The following PAPSS1 variants were observed in gnomAD, a reference collection of about 807,000 sequenced individuals.
PAPSS1 encodes the protein bifunctional 3'-phosphoadenosine 5'-phosphosulfate synthase 1.
In PAPSS1, 50 loss-of-function variants were observed where a neutral mutation model predicts 72.0. That is an observed-to-expected ratio of 0.69 (90% CI 0.55 to 0.88). The LOEUF is 0.88. Among genes scored for constraint, PAPSS1 ranks in the 40% least tolerant of loss-of-function variants. The pLI, the probability that PAPSS1 is intolerant of heterozygous loss-of-function variation, is 0.00. For synonymous variants in PAPSS1, 261 were observed against 263.6 expected, an observed-to-expected ratio of 0.99 and a Z score of 0.09; for missense variants, 657 against 782.2, an observed-to-expected ratio of 0.84 and a Z score of 1.91.
intron 11 of PAPSS1, among the ~76,000 whole-genome samples, chr4:107,626,122 G>C (rs1045062883): frequency 3.1e-4 from 47 of 149,574 alleles, no homozygotes; most frequent in Non-Finnish European, 5.6e-4. Flanking sequence ...AGCTTGCAGT[G>C]AGCCGAGATA....
In PAPSS1 at chr4:107,679,606, T is replaced by C. The variant is rs1727747153; in HGVS notation, c.669+2409A>G. Among the ~76,000 whole-genome samples the C allele has an allele frequency of 2.0e-5, 3 of 151,094 alleles. No homozygotes were observed. The South Asian group carries it at 6.3e-4, about 32-fold the overall frequency. On this transcript the variant is annotated intron_variant, in intron 5 of 11. Coordinates refer to ENST00000265174, the MANE Select transcript of PAPSS1 (RefSeq NM_005443.5). ...AGAAAGCAAGAAAAACTACCCACTG[T>C]CAAGAGATATGACAAAGAAATCTCA...
chr4:107,665,908 A>G lies in PAPSS1; in HGVS notation c.670-5836T>C, dbSNP rs112079081. Among the ~76,000 whole-genome samples, 915 of 152,230 alleles carry G rather than the reference A, an allele frequency of 6.0e-3. 9 individuals are homozygous for G. Among genetic ancestry groups the G allele is most frequent in the African/African-American group, 0.019 (809 of 41,522 alleles). ...TCTCGCCTCTCATTTTAATCTTCCT[A>G]AAGAACTCTGAACATGTTAATACAA... On this transcript the variant is annotated intron_variant, in intron 5 of 11. Coordinates refer to ENST00000265174, the MANE Select transcript of PAPSS1 (RefSeq NM_005443.5).
chr4:107,619,345 C>T (rs895037593), intron 11 of PAPSS1, among the ~76,000 whole-genome samples: 10 of 152,328 alleles, frequency 6.6e-5, no homozygotes, highest in Admixed American at 3.3e-4. Flanking sequence ...CTTCATCACA[C>T]GGAATGGGAG....
chr4:107,696,365 C>T (rs1170505062), intron 2 of PAPSS1, among the ~76,000 whole-genome samples: 1 of 152,134 alleles, frequency 6.6e-6, no homozygotes, highest in African/African-American at 2.4e-5. Flanking sequence ...AAATGTGGTA[C>T]ATATACACCA....
chr4:107,660,869 T>C (rs1727161757), intron 5 of PAPSS1, among the ~76,000 whole-genome samples: 1 of 152,188 alleles, frequency 6.6e-6, no homozygotes, highest in South Asian at 2.1e-4. Flanking sequence ...CATACATGTG[T>C]CCAATACTTT....
chr4:107,666,648 C>T (rs1368083645), intron 5 of PAPSS1, among the ~76,000 whole-genome samples: 1 of 152,138 alleles, frequency 6.6e-6, no homozygotes, highest in Non-Finnish European at 1.5e-5. Flanking sequence ...TTTTCTTGGA[C>T]AATGAAATAA....
At chr4:107,711,925 T>C (rs1197480058) in intron 1 of PAPSS1, among the ~76,000 whole-genome samples, 1 of 152,236 alleles carries the variant, frequency 6.6e-6, no homozygotes, top group African/African-American at 2.4e-5. Flanking sequence ...ACTTTGCTAC[T>C]ACAAAATATG....
chr4:107,692,134 A>G (rs1279316085), intron 3 of PAPSS1, among the ~76,000 whole-genome samples: 1 of 152,200 alleles, frequency 6.6e-6, no homozygotes, highest in Admixed American at 6.5e-5. Context: ...AGGCACAGGC[A>G]AAAGATTTCA....
intron 10 of PAPSS1, among the ~76,000 whole-genome samples, chr4:107,641,118 T>A (rs1726528756): frequency 6.6e-6 from 1 of 152,218 alleles, no homozygotes; most frequent in Non-Finnish European, 1.5e-5. Flanking sequence ...AGCCTTGACC[T>A]TCAGTGTCCA....
At chr4:107,665,054 G>T (rs1272711627) in intron 5 of PAPSS1, among the ~76,000 whole-genome samples, 1 of 152,132 alleles carries the variant, frequency 6.6e-6, no homozygotes, top group Admixed American at 6.6e-5. Flanking sequence ...TCGAAAGGTT[G>T]CTACTGTTTT....
chr4:107,653,417 T>G (rs1726908901), intron 9 of PAPSS1, 74 bp downstream of exon 9: 1 of 1,428,432 alleles, frequency 7.0e-7, no homozygotes. Flanking sequence ...TACATTTTCG[T>G]AAGCACTGGA....
chr4:107,699,155 A>T (rs1051162817), intron 2 of PAPSS1, among the ~76,000 whole-genome samples: 17 of 152,300 alleles, frequency 1.1e-4, no homozygotes, highest in Non-Finnish European at 2.9e-5. Flanking sequence ...TATTCTAAAG[A>T]TCAATTTTCC....
At chr4:107,663,831 T>C (rs1210808444) in intron 5 of PAPSS1, among the ~76,000 whole-genome samples, 1 of 152,230 alleles carries the variant, frequency 6.6e-6, no homozygotes, top group Non-Finnish European at 1.5e-5. Flanking sequence ...TTAGACTATA[T>C]CTTCCAAGGT....
At chr4:107,645,726 G>A (rs975278243) in intron 9 of PAPSS1, among the ~76,000 whole-genome samples, 28 of 152,128 alleles carry the variant, frequency 1.8e-4, no homozygotes, top group Admixed American at 3.3e-4. Flanking sequence ...TCATTCCTAC[G>A]TGGTGCTTGC....
chr4:107,637,094 G>A (rs1476814965), intron 10 of PAPSS1, among the ~76,000 whole-genome samples: 2 of 152,136 alleles, frequency 1.3e-5, no homozygotes, highest in Non-Finnish European at 2.9e-5. Context: ...GATACCACAT[G>A]ACTAATAAGT....
chr4:107,697,628 A>G (rs1255354583), intron 2 of PAPSS1, among the ~76,000 whole-genome samples: 3 of 152,228 alleles, frequency 2.0e-5, no homozygotes, highest in Non-Finnish European at 4.4e-5. Flanking sequence ...TTACTGATAT[A>G]AACAGTTTCA....
At chr4:107,621,608 CTTTTTTTT>C (rs10670438) in intron 11 of PAPSS1, among the ~76,000 whole-genome samples, 7 of 48,154 alleles carry the variant, frequency 1.5e-4, no homozygotes, top group African/African-American at 2.3e-4. Context: ...GGTTTTTTAT[CTTTTTTTT>C]TTTTTTTTTT....
At chr4:107,628,330 CA>C (rs1726149912) in intron 11 of PAPSS1, among the ~76,000 whole-genome samples, 1 of 152,142 alleles carries the variant, frequency 6.6e-6, no homozygotes. Flanking sequence ...TCAAATAAAT[CA>C]AATGACAACA....
At chr4:107,667,709 T>C (rs762318124) in intron 5 of PAPSS1, among the ~76,000 whole-genome samples, 9 of 152,224 alleles carry the variant, frequency 5.9e-5, no homozygotes, top group Non-Finnish European at 8.8e-5. Flanking sequence ...AAAGTTGTCA[T>C]TATATATAGT....
Sources: gnomAD v4.1 joint callset for allele counts (sites outside exome capture counted in the v4.1 genomes callset) on GRCh38, gnomAD v4.1.1 for gene constraint, MANE v1.5 for transcripts, NCBI Gene and HGNC (gene_info 2026-07-23, HGNC 2026-07-21) for gene names.